Variants in ARHGEF19 observed in about 807,000 individuals in gnomAD.
ARHGEF19 encodes Rho guanine nucleotide exchange factor 19.
In ARHGEF19, 92 loss-of-function variants were observed where a neutral mutation model predicts 87.6. That is an observed-to-expected ratio of 1.05 (90% confidence interval 0.89 to 1.25). The LOEUF is 1.25. ARHGEF19 is among the 50% of genes most tolerant of loss of function. The pLI is 0.00. For synonymous variants in ARHGEF19, 438 were observed against 446.2 expected (o/e 0.98, Z 0.23); for missense variants, 1,054 against 1,051.8 (o/e 1.00, Z -0.03).
intron 14 of ARHGEF19, among the ~76,000 whole-genome samples, chr1:16,199,539 C>A (rs1440661225): frequency 2.0e-5 from 3 of 152,128 alleles, no homozygotes; most frequent in African/African-American, 7.2e-5. Context: ...CCCTCCCCAG[C>A]TCAAGCCAAC....
intron 12 of ARHGEF19, among the ~76,000 whole-genome samples, chr1:16,203,344 T>A (rs2081099329): frequency 6.6e-6 from 1 of 152,154 alleles, no homozygotes; most frequent in African/African-American, 2.4e-5. Flanking sequence ...TGCTCACCTC[T>A]TCCCTTTCCA....
At position 16,206,914 on chromosome 1, in the gene ARHGEF19, G is replaced by GC; in HGVS notation, c.1137+33dup. The GC allele has an allele frequency of 2.3e-6, 3 of 1,309,698 alleles. No individual in the cohort carries two copies. Among genetic ancestry groups the GC allele is most frequent in the South Asian group, 1.6e-5 (1 of 61,370 alleles). The allele number at this position is 1,309,698 out of a possible 1,614,324, so 81.1% of individuals were successfully genotyped here. ...CCCCGGACCGCGTACTCCCCGGCCC[G>GC]CCCCCGCCCCGCCGGGTCCCCGCGC... On this transcript the variant is annotated intron_variant, in intron 6 of 15. Transcript: ENST00000270747. This position sits in a 1 kb window ranked among gnomAD's most constrained non-coding sequence, Gnocchi z 4.6.
In ARHGEF19 at chr1:16,205,194, A is replaced by C. The variant is rs937920630; in HGVS notation, c.1657-18T>G. ...TGCACCAGCTGGGGGAGCCGTGGGG[A>C]GGTCACCTGCAGCCCCTCAGCTCCG... On this transcript the variant is annotated intron_variant, in intron 10 of 15. Coordinates refer to ENST00000270747, the MANE Select transcript of ARHGEF19 (RefSeq NM_153213.5). This position sits in a 1 kb window ranked among gnomAD's most constrained non-coding sequence, Gnocchi z 5.8. 6.3e-7 allele frequency: 1 copy of C among 1,593,208 alleles called. No individual in the cohort carries two copies. The highest frequency in any genetic ancestry group is 8.5e-7 in the Non-Finnish European group (1 of 1,169,760).
Position 16,207,883 on chromosome 1 carries a change from G to GGCCCCCCCCCCCCCCC in ARHGEF19, c.694+60_694+61insGGGGGGGGGGGGGGGC. 6.8e-7 allele frequency: 1 copy of GGCCCCCCCCCCCCCCC among 1,476,430 alleles called. No individual in the cohort carries two copies. The highest frequency in any genetic ancestry group is 1.4e-5 in the African/African-American group (1 of 71,580). 91.5% of individuals were successfully genotyped at this position (1,476,430 alleles called of 1,614,324 possible). On this transcript the variant is annotated intron_variant, in intron 3 of 15. Transcript: ENST00000270747. This position sits in a 1 kb window ranked among gnomAD's most constrained non-coding sequence, Gnocchi z 4.0. ...CTCAGGCGGCCGGTGAGTGGGCATCGCCCACCCCCACCCCCACCCGGCATC... is the reference window on the plus strand; with the variant it reads ...CTCAGGCGGCCGGTGAGTGGGCATCGGCCCCCCCCCCCCCCCCCCACCCCCACCCCCACCCGGCATC...
intron 13 of ARHGEF19, 144 bp from the exon 14 acceptor site, chr1:16,202,005 C>A: frequency 1.2e-6 from 1 of 813,352 alleles, no homozygotes; most frequent in Non-Finnish European, 1.9e-6. Context: ...CTGCCCCACC[C>A]CAGGGCCCAC....
chr1:16,206,230 G>C lies in ARHGEF19; in HGVS notation c.1248C>G (p.Asp416Glu). The change falls in exon 7 of 16, where the codon GAC becomes GAG. Residue 416 changes from aspartate to glutamate, a missense_variant. Asp to Glu is a conservative substitution (Grantham distance 45). Coordinates refer to ENST00000270747, the MANE Select transcript of ARHGEF19 (RefSeq NM_153213.5). This position sits in a 1 kb window ranked among gnomAD's most constrained non-coding sequence, Gnocchi z 4.6. ...GCAGTTTGGAAAACAGCCACTGCTT[G>C]TCCTGCGCCCCCAGACACTCGCTCA... ...AELSECLGAQ[D>E]KQWLFSKLPE... is the part of the protein sequence containing the mutation. 1.9e-6 allele frequency: 3 copies of C among 1,597,810 alleles called. No homozygotes were observed. The highest frequency in any genetic ancestry group is 2.6e-6 in the Non-Finnish European group (3 of 1,172,252).
In ARHGEF19 at chr1:16,207,836, CCGG is replaced by C; in HGVS notation, c.695-62_695-60del. 6.3e-7 allele frequency: 1 copy of C among 1,588,520 alleles called. No individual in the cohort carries two copies. The highest frequency in any genetic ancestry group is 8.6e-7 in the Non-Finnish European group (1 of 1,168,180). ...AGAGAGTGGGCCTGGGGCCTGGGCC[CCGG>C]CCCAGGCACCCTGACGGCCTCAGGC... On this transcript the variant is annotated intron_variant, in intron 3 of 15. Coordinates refer to ENST00000270747, the MANE Select transcript of ARHGEF19 (RefSeq NM_153213.5). This position sits in a 1 kb window ranked among gnomAD's most constrained non-coding sequence, Gnocchi z 4.0.
chr1:16,206,236 C>T lies in ARHGEF19; in HGVS notation c.1242G>A (p.Ala414=). 2 of 1,596,204 alleles carry T rather than the reference C, an allele frequency of 1.3e-6. No homozygotes were observed. The highest frequency in any genetic ancestry group is 1.7e-6 in the Non-Finnish European group (2 of 1,171,496). ...TGGAAAACAGCCACTGCTTGTCCTG[C>T]GCCCCCAGACACTCGCTCAGCTCGG... The part of the protein sequence containing the change: ...GSAELSECLG[A]QDKQWLFSKL... Residue 414 remains alanine, a synonymous_variant, in exon 7 of 16, where the codon GCG becomes GCA. Transcript: ENST00000270747. The surrounding 1 kb of genome is among the most constrained non-coding windows in gnomAD (Gnocchi z 4.6).
At position 16,209,102 on chromosome 1, in the gene ARHGEF19, C is replaced by G; in HGVS notation, c.-29-19G>C. Reference sequence around the variant, plus strand: ...CCTGGCCCTGCAGAAGAGAAGATATCAGACCTAGACAGAGGACAGTGGGGC... The same window carrying G: ...CCTGGCCCTGCAGAAGAGAAGATATGAGACCTAGACAGAGGACAGTGGGGC... On this transcript the variant is annotated intron_variant, in intron 1 of 15. Coordinates refer to ENST00000270747, the MANE Select transcript of ARHGEF19 (RefSeq NM_153213.5). 1 of 1,407,320 alleles carries G rather than the reference C, an allele frequency of 7.1e-7. No homozygotes were observed. Among genetic ancestry groups the G allele is most frequent in the Middle Eastern group, 1.8e-4 (1 of 5,446 alleles). 87.2% of individuals were successfully genotyped at this position (1,407,320 alleles called of 1,614,324 possible).
At position 16,206,677 on chromosome 1, in the gene ARHGEF19, G is replaced by A. The variant is rs2081139221; in HGVS notation, c.1137+271C>T. 3 of 428,984 alleles carry A rather than the reference G, an allele frequency of 7.0e-6. No individual in the cohort carries two copies. The highest frequency in any genetic ancestry group is 4.9e-5 in the East Asian group (1 of 20,282). 26.6% of individuals were successfully genotyped at this position (428,984 alleles called of 1,614,324 possible). On this transcript the variant is annotated intron_variant, in intron 6 of 15. Coordinates refer to ENST00000270747, the MANE Select transcript of ARHGEF19 (RefSeq NM_153213.5). This position sits in a 1 kb window ranked among gnomAD's most constrained non-coding sequence, Gnocchi z 4.6. ...CTTCCAATGGTTCCGCTCCTCATCC[G>A]GCCCTGTCCTATCCTAGGTTTCGTC...
In ARHGEF19 at chr1:16,206,485, C is replaced by T. The variant is rs560370724; in HGVS notation, c.1138-145G>A. On this transcript the variant is annotated intron_variant, in intron 6 of 15. Transcript: ENST00000270747. This position sits in a 1 kb window ranked among gnomAD's most constrained non-coding sequence, Gnocchi z 4.6. ...CTCCTAATCTGGCGCCGGGCGGGCC[C>T]GGCGACCCACGTCCCGCCGCGGGAA... 7.2e-6 allele frequency: 6 copies of T among 832,364 alleles called. No homozygotes were observed. The highest frequency in any genetic ancestry group is 1.7e-5 in the African/African-American group (1 of 57,722). The allele number at this position is 832,364 out of a possible 1,614,324, so 51.6% of individuals were successfully genotyped here.
At position 16,206,590 on chromosome 1, in the gene ARHGEF19, AC is replaced by A. The variant is rs3831999; in HGVS notation, c.1138-251del. ...ACGCGTTCTTCCCAGAGCCCCGCCC[AC>A]CCCCCAGGTCCCGCCCCTGATCCTG... is the stretch of plus-strand genomic sequence containing the variant. On this transcript the variant is annotated intron_variant, in intron 6 of 15. Coordinates refer to ENST00000270747, the MANE Select transcript of ARHGEF19 (RefSeq NM_153213.5). This position sits in a 1 kb window ranked among gnomAD's most constrained non-coding sequence, Gnocchi z 4.6. The A allele has an allele frequency of 0.016, 4,612 of 282,420 alleles. 192 individuals are homozygous for A. The African/African-American group carries it at 0.17, about 10-fold the overall frequency. The allele number at this position is 282,420 out of a possible 1,614,324, so 17.5% of individuals were successfully genotyped here.
At chr1:16,210,651 G>T (rs1376051182) in intron 1 of ARHGEF19, among the ~76,000 whole-genome samples, 1 of 152,206 alleles carries the variant, frequency 6.6e-6, no homozygotes, top group Non-Finnish European at 1.5e-5. Flanking sequence ...ATGCCCGTGG[G>T]CTGCCAGTCT....
In ARHGEF19 at chr1:16,207,730, G is replaced by T; in HGVS notation, c.742C>A (p.Arg248=). 5 of 1,613,968 alleles carry T rather than the reference G, an allele frequency of 3.1e-6. No homozygotes were observed. Among genetic ancestry groups the T allele is most frequent in the Non-Finnish European group, 4.2e-6 (5 of 1,180,016 alleles). The change falls in exon 4 of 16, where the codon CGG becomes AGG. Residue 248 remains arginine (R), a synonymous_variant. Transcript: ENST00000270747. This position sits in a 1 kb window ranked among gnomAD's most constrained non-coding sequence, Gnocchi z 4.0. ...EARSVEMSGD[R]VSRPAPGDSR... is the part of the protein sequence containing the mutation. ...TCACCAGGGGCTGGCCGCGACACCC[G>T]GTCCCCGCTCATCTCTACACTTCGA...
Position 16,205,828 on chromosome 1 carries a change from C to A in ARHGEF19, c.1451+103G>T. The A allele has an allele frequency of 2.7e-6, 4 of 1,496,420 alleles. No individual in the cohort carries two copies. Among genetic ancestry groups the A allele is most frequent in the South Asian group, 1.3e-5 (1 of 77,034 alleles). The allele number at this position is 1,496,420 out of a possible 1,614,324, so 92.7% of individuals were successfully genotyped here. A position where few individuals can be genotyped will look rare whatever the true frequency, so the allele number is the denominator to read the frequency against. On this transcript the variant is annotated intron_variant, in intron 8 of 15. Coordinates refer to ENST00000270747, the MANE Select transcript of ARHGEF19 (RefSeq NM_153213.5). The surrounding 1 kb of genome is among the most constrained non-coding windows in gnomAD (Gnocchi z 5.8). Reference sequence around the variant, plus strand: ...CTGGTCACAGAGACCTTTTCAGGGACCCCTCCCCTCCCAGAGTCACCTTAC... The same window carrying A: ...CTGGTCACAGAGACCTTTTCAGGGAACCCTCCCCTCCCAGAGTCACCTTAC...
intron 12 of ARHGEF19, among the ~76,000 whole-genome samples, chr1:16,203,638 C>T (rs1333979472): frequency 1.3e-5 from 2 of 152,176 alleles, no homozygotes; most frequent in Non-Finnish European, 2.9e-5. Flanking sequence ...TTCTCCTTTA[C>T]AAATCCAGCC....
In ARHGEF19 at chr1:16,205,092, C is replaced by T; in HGVS notation, c.1741G>A (p.Gly581Ser). 1 of 1,602,448 alleles carries T rather than the reference C, an allele frequency of 6.2e-7. No individual in the cohort carries two copies. Among genetic ancestry groups the T allele is most frequent in the South Asian group, 1.1e-5 (1 of 89,020 alleles). The part of the protein sequence containing the change: ...IHLSKKIHFE[G>S]KIFPLISQAR... ...CGCTGGCTGCAGACACACACCTTGC[C>T]CTCAAAGTGGATCTTCTTGCTCAGG... is the stretch of plus-strand genomic sequence containing the variant. Residue 581 changes from glycine (G) to serine (S), a missense_variant, in exon 11 of 16, where the codon GGC becomes AGC. Coordinates refer to ENST00000270747, the MANE Select transcript of ARHGEF19 (RefSeq NM_153213.5). This position sits in a 1 kb window ranked among gnomAD's most constrained non-coding sequence, Gnocchi z 5.8.
rs1263177671 is a variant in ARHGEF19 at position 16,207,563 on chromosome 1, C to T, written c.833G>A (p.Arg278Lys). The change falls in exon 5 of 16, where the codon AGG (arginine) becomes AAG (lysine). Residue 278 changes from arginine (R) to lysine (K), a missense_variant. By Grantham distance (26) the Arg-to-Lys change is conservative. Transcript: ENST00000270747. This position sits in a 1 kb window ranked among gnomAD's most constrained non-coding sequence, Gnocchi z 4.0. ...AGACTGGCGCCGCTCGTTGGTGCTCCTGGACCCCAAAGGCGGCTCTTCCTG... is the reference window on the plus strand; with the variant it reads ...AGACTGGCGCCGCTCGTTGGTGCTCTTGGACCCCAAAGGCGGCTCTTCCTG... ...DTQEEPPLGS[R>K]STNERRQSRF... is the part of the protein sequence containing the mutation. The T allele has an allele frequency of 1.2e-6, 2 of 1,614,016 alleles. No homozygotes were observed.
intron 12 of ARHGEF19, among the ~76,000 whole-genome samples, chr1:16,202,975 C>G (rs1481682914): frequency 6.6e-6 from 1 of 152,110 alleles, no homozygotes; most frequent in Admixed American, 6.6e-5. Flanking sequence ...CTTCCAGGTT[C>G]AAGCGATTCA....
Sources: gnomAD v4.1 joint callset for allele counts (sites outside exome capture counted in the v4.1 genomes callset) on GRCh38, gnomAD v4.1.1 for gene constraint, Gnocchi (gnomAD v3.1) non-coding constraint, MANE v1.5 for transcripts, NCBI Gene and HGNC (gene_info 2026-07-23, HGNC 2026-07-21) for gene names.